The following C5 variants were observed in gnomAD, a reference collection of about 807,000 sequenced individuals.
C5 encodes complement C5.
In C5, 140 loss-of-function variants were observed where a neutral mutation model predicts 218.8. The observed-to-expected ratio is 0.64, with a 90% CI of 0.56 to 0.74. The LOEUF (loss-of-function observed/expected upper bound fraction) is 0.74. Ranked by LOEUF, C5 falls within the 30% of genes least tolerant of loss-of-function variation. The pLI is 0.00. For missense variants in C5, 1,700 were observed against 1,969.6 expected, an observed-to-expected ratio of 0.86 and a Z score of 2.59; for synonymous variants, 614 against 682.3, an observed-to-expected ratio of 0.90 and a Z score of 1.56.
At chr9:121,014,293 G>C (rs1354952817) in intron 16 of C5, among the ~76,000 whole-genome samples, 3 of 152,094 alleles carry the variant, frequency 2.0e-5, no homozygotes, top group South Asian at 4.2e-4. Context: ...ATGGTTAAAG[G>C]GTTTCCTGCA....
At chr9:120,986,448 A>T (rs977819617) in intron 25 of C5, among the ~76,000 whole-genome samples, 28 of 151,516 alleles carry the variant, frequency 1.8e-4, no homozygotes, top group African/African-American at 6.8e-4. Context: ...TTCGTACTTT[A>T]AAAAATCTGC....
Position 121,014,016 on chromosome 9 carries a change from A to T in C5, c.2114T>A (p.Val705Asp), listed in dbSNP as rs753714795. ...VKKCCYDGAC[V>D]NNDETCEQRA... is the part of the protein sequence containing the mutation. The stretch of plus-strand genomic sequence containing the variant: ...CTGCTCACAGGTTTCATCATTATTA[A>T]CGCAGGCTCCATCGTAACAACATTT... The change falls in exon 17 of 41, where the codon GTT becomes GAT. Residue 705 changes from valine to aspartate, a missense_variant. Val to Asp is a radical substitution (Grantham distance 152). Coordinates refer to ENST00000223642, the MANE Select transcript of C5 (RefSeq NM_001735.3). 1.9e-6 allele frequency: 3 copies of T among 1,614,196 alleles called. No homozygotes were observed. Among genetic ancestry groups the T allele is most frequent in the South Asian group, 2.2e-5 (2 of 91,088 alleles).
chr9:120,976,914 C>T lies in C5; in HGVS notation c.3659-9G>A. ...ATAAATGGGTGGATTACCTGAACAT[C>T]AACAAATTCCATTCATTAATATGAT... On this transcript the variant is annotated splice_polypyrimidine_tract_variant and intron_variant, in intron 28 of 40. Coordinates refer to ENST00000223642, the MANE Select transcript of C5 (RefSeq NM_001735.3). The T allele has an allele frequency of 1.2e-6, 2 of 1,602,796 alleles. No homozygotes were observed. Among genetic ancestry groups the T allele is most frequent in the Non-Finnish European group, 1.7e-6 (2 of 1,169,722 alleles).
intron 33 of C5, among the ~76,000 whole-genome samples, chr9:120,965,183 G>A (rs1269467474): frequency 6.6e-6 from 1 of 152,144 alleles, no homozygotes; most frequent in Non-Finnish European, 1.5e-5. Context: ...AAGTTAGTGA[G>A]GGGTCAGGGC....
At chr9:120,977,969 T>C (rs989076935) in intron 28 of C5, among the ~76,000 whole-genome samples, 1 of 152,140 alleles carries the variant, frequency 6.6e-6, no homozygotes, top group Non-Finnish European at 1.5e-5. Flanking sequence ...TTTTGTAAAC[T>C]AGAAAGCACC....
intron 1 of C5, among the ~76,000 whole-genome samples, chr9:121,046,900 A>G (rs1409914482): frequency 6.6e-6 from 1 of 152,194 alleles, no homozygotes; most frequent in Non-Finnish European, 1.5e-5. Flanking sequence ...TTAGTACTCA[A>G]TACATGTTAA....
chr9:121,042,754 C>G (rs1438260295), intron 3 of C5, among the ~76,000 whole-genome samples: 3 of 152,102 alleles, frequency 2.0e-5, no homozygotes, highest in Non-Finnish European at 2.9e-5. Context: ...GCATTTTCTA[C>G]TTGGAAATAA....
chr9:121,030,447 A>T lies in C5; in HGVS notation c.708T>A (p.Asn236Lys). Residue 236 changes from asparagine to lysine, a missense_variant, in exon 7 of 41, where the codon AAT (asparagine) becomes AAA (lysine). By Grantham distance (94) the Asn-to-Lys change is moderately conservative (BLOSUM62 0). Coordinates refer to ENST00000223642, the MANE Select transcript of C5 (RefSeq NM_001735.3). ...TCTTAAAGTTCTTGTAACCAATGAA[A>T]TTATATTCTGGCTCGATTGAGACAG... ...HFSVSIEPEY[N>K]FIGYKNFKNF... 6.5e-7 allele frequency: 1 copy of T among 1,547,104 alleles called. No individual in the cohort carries two copies. Among genetic ancestry groups the T allele is most frequent in the Non-Finnish European group, 8.8e-7 (1 of 1,142,246 alleles).
intron 19 of C5, 86 bp downstream of exon 19, chr9:121,006,818 G>A (rs112163914): frequency 5.1e-6 from 5 of 983,628 alleles, no homozygotes; most frequent in African/African-American, 3.2e-5. Flanking sequence ...TTTAAGTCCT[G>A]GGTAAACTAA....
At chr9:121,061,594 T>G in the C5 span, among the ~76,000 whole-genome samples, 1 of 152,250 alleles carries the variant, frequency 6.6e-6, no homozygotes, top group Non-Finnish European at 1.5e-5. Flanking sequence ...CAATTTGTCA[T>G]GGTGCTTTTT....
At chr9:121,070,258 G>A in the C5 span, among the ~76,000 whole-genome samples, 3 of 151,768 alleles carry the variant, frequency 2.0e-5, no homozygotes, top group African/African-American at 7.3e-5. Flanking sequence ...TCGGGAGGCT[G>A]AGGCAGGAGA....
intron 38 of C5, among the ~76,000 whole-genome samples, chr9:120,958,241 CT>C (rs2046800638): frequency 6.6e-6 from 1 of 152,130 alleles, no homozygotes; most frequent in Non-Finnish European, 1.5e-5. Context: ...ATTCATAAGT[CT>C]TTATAATGGA....
At chr9:121,060,859 T>A in the C5 span, among the ~76,000 whole-genome samples, 1 of 152,232 alleles carries the variant, frequency 6.6e-6, no homozygotes, top group Non-Finnish European at 1.5e-5. Flanking sequence ...ACAAAGAATC[T>A]GATAATCAGA....
chr9:120,954,642 G>A (rs916739975), intron 39 of C5, among the ~76,000 whole-genome samples: 32 of 152,154 alleles, frequency 2.1e-4, no homozygotes, highest in Non-Finnish European at 4.3e-4. Flanking sequence ...AACTTCTTAA[G>A]GCATGGACTG....
intron 17 of C5, among the ~76,000 whole-genome samples, chr9:121,012,621 A>T (rs1264121154): frequency 6.6e-6 from 1 of 152,240 alleles, no homozygotes; most frequent in Non-Finnish European, 1.5e-5. Flanking sequence ...TTTTGTGGCC[A>T]TTTACCAAAA....
intron 20 of C5, chr9:120,999,928 G>A (rs2047146005): frequency 2.2e-6 from 1 of 449,218 alleles, no homozygotes; most frequent in Non-Finnish European, 4.5e-6. Context: ...GCATGGTGGT[G>A]TGTGCCTGTA....
the C5 span, among the ~76,000 whole-genome samples, chr9:121,058,418 A>G: frequency 2.0e-5 from 3 of 152,094 alleles, no homozygotes; most frequent in African/African-American, 7.2e-5. Flanking sequence ...TTCTCCAGAT[A>G]TATGTGTGTA....
rs759158997 is a variant in C5, at chr9:120,976,856, GT to G, written c.3707del (p.Asp1236AlafsTer13). 6.2e-7 allele frequency: 1 copy of G among 1,614,168 alleles called. No individual in the cohort carries two copies. Among genetic ancestry groups the G allele is most frequent in the South Asian group, 1.1e-5 (1 of 91,086 alleles). Reference protein sequence around the residue: ...RFWKDNLQHKDSSVPNTGTAR... With the variant: ...RFWKDNLQHKXSSVPNTGTAR... ...CCGTACCAGTGTTAGGTACAGAGCT[GT>G]CTTTATGCTGAAGATTGTCTTTCCA... On this transcript the variant is annotated frameshift_variant, in exon 29 of 41. Transcript: ENST00000223642. LOFTEE classifies it high-confidence loss of function.
At position 120,952,376 on chromosome 9, in the gene C5, C is replaced by T; in HGVS notation, c.*363G>A. The T allele has an allele frequency of 3.4e-6, 1 of 290,062 alleles. No individual in the cohort carries two copies. Among genetic ancestry groups the T allele is most frequent in the Non-Finnish European group, 6.7e-6 (1 of 148,600 alleles). 18.0% of individuals were successfully genotyped at this position (290,062 alleles called of 1,614,324 possible). A position where few individuals can be genotyped will look rare whatever the true frequency, so the allele number is the denominator to read the frequency against. ...GGCTTTAATGATCAGTTTCCTGTTC[C>T]TTGGTATTTTCTTTCAAGCAAAGGC... is the stretch of plus-strand genomic sequence containing the variant. On this transcript the variant is annotated 3_prime_UTR_variant, in exon 41 of 41. Coordinates refer to ENST00000223642, the MANE Select transcript of C5 (RefSeq NM_001735.3).
Sources: gnomAD v4.1 joint callset for allele counts (sites outside exome capture counted in the v4.1 genomes callset) on GRCh38, gnomAD v4.1.1 for gene constraint, MANE v1.5 for transcripts, NCBI Gene and HGNC (gene_info 2026-07-23, HGNC 2026-07-21) for gene names.